The following ESM1 variants were observed in gnomAD, a reference collection of about 807,000 sequenced individuals.
The protein encoded by ESM1 is endothelial cell specific molecule 1, also known as endothelial cell-specific molecule 1.
A neutral mutation model predicts 14.9 loss-of-function variants in ESM1; 7 were observed. That is an observed-to-expected ratio of 0.47 (90% CI 0.27 to 0.88). ESM1 has a LOEUF of 0.88. Ranked by LOEUF, ESM1 falls within the 40% of genes least tolerant of loss-of-function variation. ESM1 has a pLI of 0.14. For missense variants in ESM1, 192 were observed against 237.9 expected, an observed-to-expected ratio of 0.81 and a Z score of 1.27; for synonymous variants, 89 against 89.4, an observed-to-expected ratio of 1.00 and a Z score of 0.02.
intron 1 of ESM1, among the ~76,000 whole-genome samples, chr5:54,982,499 G>A (rs1740406963): frequency 6.6e-6 from 1 of 152,118 alleles, no homozygotes; most frequent in African/African-American, 2.4e-5. Context: ...AGCAAAGGTG[G>A]GAAATTGAAC....
chr5:54,983,833 G>T (rs1169252686), intron 1 of ESM1, among the ~76,000 whole-genome samples: 1 of 152,144 alleles, frequency 6.6e-6, no homozygotes, highest in Admixed American at 6.5e-5. Flanking sequence ...AAGAGAAAAA[G>T]CAATCCACTG....
chr5:54,980,667 A>C (rs550150196), intron 2 of ESM1, among the ~76,000 whole-genome samples: 74 of 152,318 alleles, frequency 4.9e-4, no homozygotes, highest in Non-Finnish European at 7.6e-4. Flanking sequence ...TAAGAATCTC[A>C]ATGCCTAACT....
rs1383069648 is a variant in ESM1, at chr5:54,978,495, G to A, written c.*837C>T. 2 of 152,058 alleles carry A rather than the reference G, an allele frequency of 1.3e-5. No homozygotes were observed. The highest frequency in any genetic ancestry group is 1.9e-4 in the East Asian group (1 of 5,204). The allele number at this position is 152,058 out of a possible 1,614,324, so 9.4% of individuals were successfully genotyped here. On this transcript the variant is annotated 3_prime_UTR_variant, in exon 3 of 3. Coordinates refer to ENST00000381405, the MANE Select transcript of ESM1 (RefSeq NM_007036.5). ...ACTAGATTTCTTTCCTCAAGAGGATGATAAATATGGGTAGGGAAGATGACT... is the reference window on the plus strand; with the variant it reads ...ACTAGATTTCTTTCCTCAAGAGGATAATAAATATGGGTAGGGAAGATGACT...
chr5:54,980,443 C>T (rs1163351454), intron 2 of ESM1, among the ~76,000 whole-genome samples: 3 of 152,290 alleles, frequency 2.0e-5, no homozygotes, highest in East Asian at 3.9e-4. Flanking sequence ...CTGGAAGTCT[C>T]ATGTAGTCTC....
At chr5:54,980,380 C>G (rs1209439946) in intron 2 of ESM1, among the ~76,000 whole-genome samples, 4 of 152,140 alleles carry the variant, frequency 2.6e-5, no homozygotes, top group African/African-American at 7.2e-5. Flanking sequence ...TGATGTGAAG[C>G]CTGTGTCAGG....
rs1561243034 is a variant in ESM1, at chr5:54,979,089, A to G, written c.*243T>C. The G allele has an allele frequency of 2.0e-5, 9 of 446,572 alleles. No individual in the cohort carries two copies. In the East Asian group the frequency reaches 3.7e-4, roughly 18 times the overall value. The allele number at this position is 446,572 out of a possible 1,614,324, so 27.7% of individuals were successfully genotyped here. A position where few individuals can be genotyped will look rare whatever the true frequency, so the allele number is the denominator to read the frequency against. On this transcript the variant is annotated 3_prime_UTR_variant, in exon 3 of 3. Transcript: ENST00000381405. Reference sequence around the variant, plus strand: ...GCATTTTTAGTTCTTCAGTGTTACTATACACACACATTTAACAAATCTACA... The same window carrying G: ...GCATTTTTAGTTCTTCAGTGTTACTGTACACACACATTTAACAAATCTACA...
intron 1 of ESM1, 26 bp downstream of exon 1, chr5:54,985,191 G>C (rs1740509968): frequency 1.3e-6 from 2 of 1,563,888 alleles, no homozygotes; most frequent in Non-Finnish European, 8.7e-7. Flanking sequence ...GCCCCGGGAG[G>C]GGAGAGGTAA....
rs2112243790 is a variant in ESM1 at position 54,977,992 on chromosome 5, A to T, written c.*1340T>A. 1 of 152,308 alleles carries T rather than the reference A, an allele frequency of 6.6e-6. No homozygotes were observed. Among genetic ancestry groups the T allele is most frequent in the East Asian group, 1.9e-4 (1 of 5,188 alleles). The allele number at this position is 152,308 out of a possible 1,614,324, so 9.4% of individuals were successfully genotyped here. A position where few individuals can be genotyped will look rare whatever the true frequency, so the allele number is the denominator to read the frequency against. On this transcript the variant is annotated 3_prime_UTR_variant, in exon 3 of 3. Coordinates refer to ENST00000381405, the MANE Select transcript of ESM1 (RefSeq NM_007036.5). ...TTCACAACTCTGTTGGCCAACTTCA[A>T]GAATAAAATACAGGTAAATACTGAA...
At chr5:54,980,095 G>A (rs905898136) in intron 2 of ESM1, among the ~76,000 whole-genome samples, 3 of 152,196 alleles carry the variant, frequency 2.0e-5, no homozygotes, top group African/African-American at 7.2e-5. Flanking sequence ...GCAGACGAAT[G>A]TGTGTAAGTC....
Position 54,979,082 on chromosome 5 carries a change from T to C in ESM1, c.*250A>G. 2.6e-6 allele frequency: 1 copy of C among 385,620 alleles called. No homozygotes were observed. Among genetic ancestry groups the C allele is most frequent in the African/African-American group, 2.1e-5 (1 of 47,762 alleles). 23.9% of individuals were successfully genotyped at this position (385,620 alleles called of 1,614,324 possible). Reference sequence around the variant, plus strand: ...CTAAATTGCATTTTTAGTTCTTCAGTGTTACTATACACACACATTTAACAA... The same window carrying C: ...CTAAATTGCATTTTTAGTTCTTCAGCGTTACTATACACACACATTTAACAA... On this transcript the variant is annotated 3_prime_UTR_variant, in exon 3 of 3. Transcript: ENST00000381405.
At chr5:54,979,505 T>C in intron 2 of ESM1, 70 bp from the exon 3 acceptor site, 4 of 1,091,622 alleles carry the variant, frequency 3.7e-6, no homozygotes, top group Non-Finnish European at 5.6e-6. Flanking sequence ...TTTGCTTTAT[T>C]TTTGTTTTAC....
intron 2 of ESM1, among the ~76,000 whole-genome samples, chr5:54,981,432 A>G (rs1354487370): frequency 6.6e-6 from 1 of 152,214 alleles, no homozygotes; most frequent in Non-Finnish European, 1.5e-5. Flanking sequence ...GTATTACTAC[A>G]GTTTCATTCA....
rs956890010 is a variant in ESM1, at chr5:54,978,532, A to T, written c.*800T>A. 6.6e-6 allele frequency: 1 copy of T among 152,110 alleles called. No individual in the cohort carries two copies. Among genetic ancestry groups the T allele is most frequent in the Non-Finnish European group, 1.5e-5 (1 of 68,014 alleles). The allele number at this position is 152,110 out of a possible 1,614,324, so 9.4% of individuals were successfully genotyped here. On this transcript the variant is annotated 3_prime_UTR_variant, in exon 3 of 3. Transcript: ENST00000381405. ...TAGGGAAGATGACTTGCACTAACAC[A>T]TTTATTTATAAAAATATATAAATAT...
At chr5:54,984,839 T>C (rs1043938569) in intron 1 of ESM1, among the ~76,000 whole-genome samples, 2 of 152,216 alleles carry the variant, frequency 1.3e-5, no homozygotes, top group Admixed American at 6.5e-5. Context: ...CAAGAGGTTA[T>C]CTAGTGCAGA....
In ESM1 at chr5:54,982,091, T is replaced by A. The variant is rs1744064197; in HGVS notation, c.357A>T (p.Ser119=). The change falls in exon 2 of 3, where the codon TCA becomes TCT. Residue 119 remains serine (S), a synonymous_variant. Transcript: ENST00000381405. The part of the protein sequence containing the change: ...MDCRETCNCQ[S]GICDRGTGKC... ...TTCCCGTCCCCCTGTCACAGATGCC[T>A]GACTGGCAGTTGCAGGTCTCTCTGC... is the stretch of plus-strand genomic sequence containing the variant. 3 of 1,614,092 alleles carry A rather than the reference T, an allele frequency of 1.9e-6. No homozygotes were observed. In the Admixed American group the frequency reaches 5.0e-5, roughly 27 times the overall value.
In ESM1 at chr5:54,979,663, C is replaced by T. The variant is rs148664278; in HGVS notation, c.452-228G>A. Among the ~76,000 whole-genome samples, 319 of 152,310 alleles carry T rather than the reference C, an allele frequency of 2.1e-3. 4 individuals carry two copies. Among genetic ancestry groups the T allele is most frequent in the African/African-American group, 7.2e-3 (300 of 41,568 alleles). ...TATCGTCACCTGACATTATCTTCTA[C>T]ATGTATTTGTCTTTTTTTCCTGTGT... is the stretch of plus-strand genomic sequence containing the variant. On this transcript the variant is annotated intron_variant, in intron 2 of 2. Coordinates refer to ENST00000381405, the MANE Select transcript of ESM1 (RefSeq NM_007036.5).
At chr5:54,984,309 T>C (rs1740482236) in intron 1 of ESM1, among the ~76,000 whole-genome samples, 1 of 152,202 alleles carries the variant, frequency 6.6e-6, no homozygotes, top group Non-Finnish European at 1.5e-5. Context: ...GATGGGGTTA[T>C]AGCATGTGTT....
intron 1 of ESM1, among the ~76,000 whole-genome samples, chr5:54,983,869 G>A (rs1740451528): frequency 6.6e-6 from 1 of 152,176 alleles, no homozygotes; most frequent in Admixed American, 6.5e-5. Flanking sequence ...TCATAAGTAT[G>A]ATTGTGTTAA....
At position 54,985,574 on chromosome 5, in the gene ESM1, A is replaced by T; in HGVS notation, c.-57T>A. Reference sequence around the variant, plus strand: ...GTCGTGGTCTTTGCTGGTGGGAAGCAGCCGTCCAAACTGGTAGCTGAGCCT... The same window carrying T: ...GTCGTGGTCTTTGCTGGTGGGAAGCTGCCGTCCAAACTGGTAGCTGAGCCT... On this transcript the variant is annotated 5_prime_UTR_variant, in exon 1 of 3. Coordinates refer to ENST00000381405, the MANE Select transcript of ESM1 (RefSeq NM_007036.5). 1 of 1,512,704 alleles carries T rather than the reference A, an allele frequency of 6.6e-7. No individual in the cohort carries two copies. Among genetic ancestry groups the T allele is most frequent in the Non-Finnish European group, 8.9e-7 (1 of 1,119,358 alleles). 93.7% of individuals were successfully genotyped at this position (1,512,704 alleles called of 1,614,324 possible).
Sources: allele counts gnomAD v4.1 joint callset (sites outside exome capture counted in the v4.1 genomes callset), GRCh38; gene constraint gnomAD v4.1.1; transcripts MANE v1.5; gene names NCBI Gene and HGNC (gene_info 2026-07-23, HGNC 2026-07-21).